Variants in CYBC1 observed in about 807,000 individuals in gnomAD.
The protein encoded by CYBC1 is cytochrome b-245 chaperone 1, also known as essential for reactive oxygen species protein.
In CYBC1, 22 loss-of-function variants were observed where a neutral mutation model predicts 21.7. The ratio of observed to expected loss-of-function variants is 1.02; its 90% confidence interval spans 0.73 to 1.45. The LOEUF is 1.45. Ranked by LOEUF, CYBC1 falls within the 40% of genes most tolerant of loss-of-function variation. CYBC1 has a pLI of 0.00. For missense variants in CYBC1, 237 were observed against 242.1 expected (o/e 0.98, Z 0.14); for synonymous variants, 112 against 98.7 (o/e 1.13, Z -0.80).
Position 82,442,896 on chromosome 17 carries a change from G to C in CYBC1, c.*1108C>G, listed in dbSNP as rs2054051419. The C allele has an allele frequency of 3.3e-6, 1 of 302,224 alleles. No homozygotes were observed. The highest frequency in any genetic ancestry group is 2.1e-5 in the African/African-American group (1 of 46,846). The allele number at this position is 302,224 out of a possible 1,614,324, so 18.7% of individuals were successfully genotyped here. On this transcript the variant is annotated 3_prime_UTR_variant, in exon 7 of 7. Transcript: ENST00000306645. This position sits in a 1 kb window ranked among gnomAD's most constrained non-coding sequence, Gnocchi z 6.8. Reference sequence around the variant, plus strand: ...GGCGCGCTCGGTGCACACCGCACCTGGGAGGACCTGGGTACACTCAGGAGA... The same window carrying C: ...GGCGCGCTCGGTGCACACCGCACCTCGGAGGACCTGGGTACACTCAGGAGA...
At position 82,443,406 on chromosome 17, in the gene CYBC1, G is replaced by T; in HGVS notation, c.*598C>A. 2 of 552,894 alleles carry T rather than the reference G, an allele frequency of 3.6e-6. No homozygotes were observed. The highest frequency in any genetic ancestry group is 3.4e-5 in the East Asian group (1 of 29,510). The allele number at this position is 552,894 out of a possible 1,614,324, so 34.2% of individuals were successfully genotyped here. On this transcript the variant is annotated 3_prime_UTR_variant, in exon 7 of 7. Coordinates refer to ENST00000306645, the MANE Select transcript of CYBC1 (RefSeq NM_001033046.4). The surrounding 1 kb of genome is among the most constrained non-coding windows in gnomAD (Gnocchi z 6.7). ...CTCGGGGAGGGGCAGCTTCCACAGTGTGGCTGCAGCGTGCACAGCCAGGTA... is the reference window on the plus strand; with the variant it reads ...CTCGGGGAGGGGCAGCTTCCACAGTTTGGCTGCAGCGTGCACAGCCAGGTA...
rs2054117092 is a variant in CYBC1 at position 82,444,025 on chromosome 17, A to G, written c.543T>C (p.Gly181=). 3 of 1,612,818 alleles carry G rather than the reference A, an allele frequency of 1.9e-6. No homozygotes were observed. Among genetic ancestry groups the G allele is most frequent in the African/African-American group, 1.3e-5 (1 of 74,832 alleles). Residue 181 remains glycine, a synonymous_variant, in exon 7 of 7, where the codon GGT becomes GGC. Transcript: ENST00000306645. The stretch of plus-strand genomic sequence containing the variant: ...GCTGTCAGCTCTGGCTTGCAGGGTC[A>G]CCGGCCTCACTGTCGCTGCTCTGAG... ...ELSQSSDSEA[G]DPASQS is the part of the protein sequence containing the mutation.
intron 4 of CYBC1, 59 bp downstream of exon 4, chr17:82,446,564 G>A: frequency 6.4e-7 from 1 of 1,554,786 alleles, no homozygotes; most frequent in Non-Finnish European, 8.9e-7. Flanking sequence ...CATTCCCATT[G>A]CAAAAAACCC....
Position 82,443,330 on chromosome 17 carries a change from G to A in CYBC1, c.*674C>T. On this transcript the variant is annotated 3_prime_UTR_variant, in exon 7 of 7. Transcript: ENST00000306645. The surrounding 1 kb of genome is among the most constrained non-coding windows in gnomAD (Gnocchi z 6.7). ...GAGACCTTTCTGTGACGACCGCTGG[G>A]GCAGAGTGGTCTATGCGCCGAGATC... 2.4e-6 allele frequency: 1 copy of A among 416,626 alleles called. No individual in the cohort carries two copies. The highest frequency in any genetic ancestry group is 4.6e-6 in the Non-Finnish European group (1 of 218,954). 25.8% of individuals were successfully genotyped at this position (416,626 alleles called of 1,614,324 possible). A position where few individuals can be genotyped will look rare whatever the true frequency, so the allele number is the denominator to read the frequency against.
Position 82,444,077 on chromosome 17 carries a change from T to C in CYBC1, c.491A>G (p.His164Arg), listed in dbSNP as rs1252488241. ...AKLITSFLEL[H>R]CLESPTELSQ... ...CAGCTCTGTGGGGCTCTCAAGGCAG[T>C]GCAGCTCCAGGAAGCTGGTGATGAG... Residue 164 changes from histidine (H) to arginine (R), a missense_variant, in exon 7 of 7, where the codon CAC becomes CGC. By Grantham distance (29) the His-to-Arg change is conservative. Coordinates refer to ENST00000306645, the MANE Select transcript of CYBC1 (RefSeq NM_001033046.4). 6.2e-7 allele frequency: 1 copy of C among 1,613,446 alleles called. No individual in the cohort carries two copies. Among genetic ancestry groups the C allele is most frequent in the Non-Finnish European group, 8.5e-7 (1 of 1,179,808 alleles).
At chr17:82,445,697 C>T (rs1040380335) in intron 5 of CYBC1, 167 bp downstream of exon 5, 3 of 573,604 alleles carry the variant, frequency 5.2e-6, no homozygotes, top group East Asian at 3.0e-5. Flanking sequence ...GGGGCGTATC[C>T]GTGGGATCCT....
intron 3 of CYBC1, chr17:82,447,309 C>T (rs539998676): frequency 5.8e-5 from 29 of 503,118 alleles, no homozygotes; most frequent in African/African-American, 3.9e-4. Context: ...GCCGAGATCC[C>T]GCCACTGCAC....
rs371683225 is a variant in CYBC1 at position 82,445,815 on chromosome 17, C to T, written c.298+49G>A. ...CGTGAGTCACCCAGACGCCCAAGTG[C>T]GCCGCCTCTGTGGCCGTGTCCCATG... On this transcript the variant is annotated intron_variant, in intron 5 of 6. Coordinates refer to ENST00000306645, the MANE Select transcript of CYBC1 (RefSeq NM_001033046.4). 121 of 1,439,428 alleles carry T rather than the reference C, an allele frequency of 8.4e-5. No homozygotes were observed. The East Asian group carries it at 1.6e-3, about 19-fold the overall frequency. The allele number at this position is 1,439,428 out of a possible 1,614,324, so 89.2% of individuals were successfully genotyped here.
chr17:82,443,384 G>C lies in CYBC1; in HGVS notation c.*620C>G, dbSNP rs551238621. 4.6e-5 allele frequency: 23 copies of C among 503,358 alleles called. No homozygotes were observed. The highest frequency in any genetic ancestry group is 2.4e-4 in the Admixed American group (8 of 33,492). The allele number at this position is 503,358 out of a possible 1,614,324, so 31.2% of individuals were successfully genotyped here. On this transcript the variant is annotated 3_prime_UTR_variant, in exon 7 of 7. Transcript: ENST00000306645. The surrounding 1 kb of genome is among the most constrained non-coding windows in gnomAD (Gnocchi z 6.7). ...GCATCAGCAAGGGAGGCGGGTCCTC[G>C]GGGAGGGGCAGCTTCCACAGTGTGG...
Position 82,447,149 on chromosome 17 carries a change from C to T in CYBC1, c.127+431G>A, listed in dbSNP as rs184605881. 628 of 297,566 alleles carry T rather than the reference C, an allele frequency of 2.1e-3. 3 individuals are homozygous for T. The highest frequency in any genetic ancestry group is 0.013 in the African/African-American group (562 of 44,426). The allele number at this position is 297,566 out of a possible 1,614,324, so 18.4% of individuals were successfully genotyped here. ...CGGGCGGATCACGAGGTCAGGAGATCGAGACCATCCCGGCTAAAACGGTGA... is the reference window on the plus strand; with the variant it reads ...CGGGCGGATCACGAGGTCAGGAGATTGAGACCATCCCGGCTAAAACGGTGA... On this transcript the variant is annotated intron_variant, in intron 3 of 6. Transcript: ENST00000306645.
Position 82,445,967 on chromosome 17 carries a change from A to C in CYBC1, c.202-7T>G. On this transcript the variant is annotated splice_polypyrimidine_tract_variant and splice_region_variant and intron_variant, in intron 4 of 6. Transcript: ENST00000306645. ...TCTTGTCGAAGATGGCTTCCTGGAA[A>C]CCGACATGCACTGACCACCATGAAC... 1 of 1,612,324 alleles carries C rather than the reference A, an allele frequency of 6.2e-7. No individual in the cohort carries two copies. Among genetic ancestry groups the C allele is most frequent in the Non-Finnish European group, 8.5e-7 (1 of 1,178,950 alleles).
intron 5 of CYBC1, chr17:82,445,557 C>A (rs550014319): frequency 2.2e-5 from 6 of 273,996 alleles, no homozygotes; most frequent in African/African-American, 1.4e-4. Context: ...GTGGGCCAGA[C>A]CCCTGCTCCT....
intron 2 of CYBC1, chr17:82,448,289 G>A (rs2054425685): frequency 6.0e-6 from 1 of 166,348 alleles, no homozygotes; most frequent in East Asian, 1.9e-4. Flanking sequence ...GACCAGGGAG[G>A]AGGAGACATG....
At chr17:82,444,229 G>A in intron 6 of CYBC1, 105 bp from the exon 7 acceptor site, 2 of 1,509,486 alleles carry the variant, frequency 1.3e-6, no homozygotes, top group East Asian at 4.7e-5. Context: ...CGCAGACCCT[G>A]GAGCTCCCAA....
intron 4 of CYBC1, among the ~76,000 whole-genome samples, chr17:82,446,192 C>A (rs917983225): frequency 6.6e-6 from 1 of 152,228 alleles, no homozygotes; most frequent in Non-Finnish European, 1.5e-5. Flanking sequence ...GCAGCAGGCG[C>A]TTGCTCCACC....
chr17:82,446,002 C>A (rs551479082), intron 4 of CYBC1, 42 bp from the exon 5 acceptor site: 4 of 1,583,864 alleles, frequency 2.5e-6, no homozygotes, highest in African/African-American at 1.3e-5. Context: ...CCTCCAGGAA[C>A]GGGGGCCCCG....
intron 5 of CYBC1, 162 bp from the exon 6 acceptor site, chr17:82,444,753 G>A: frequency 1.1e-6 from 1 of 898,658 alleles, no homozygotes; most frequent in South Asian, 1.7e-5. Flanking sequence ...GACTGCTGTG[G>A]CCCTGAAGGC....
intron 1 of CYBC1, chr17:82,449,554 A>T (rs960064178): frequency 2.8e-6 from 1 of 359,108 alleles, no homozygotes; most frequent in Non-Finnish European, 5.0e-6. Context: ...CAGACTCACG[A>T]GCTACAGCTG....
At chr17:82,444,394 G>A in intron 6 of CYBC1, 53 bp downstream of exon 6, 1 of 1,563,304 alleles carries the variant, frequency 6.4e-7, no homozygotes, top group Admixed American at 1.8e-5. Context: ...TCAGGAACGG[G>A]AGTGACCTGC....
Sources: allele counts gnomAD v4.1 joint callset (sites outside exome capture counted in the v4.1 genomes callset), GRCh38; gene constraint gnomAD v4.1.1; non-coding constraint Gnocchi (gnomAD v3.1); transcripts MANE v1.5; gene names NCBI Gene and HGNC (gene_info 2026-07-23, HGNC 2026-07-21).